Variants in RIN3 observed in about 807,000 individuals in gnomAD.
RIN3 encodes Ras and Rab interactor 3, also known as RAB5 interacting protein 3.
RIN3 carries 54 observed loss-of-function variants against 76.3 expected under a neutral mutation model. That is an observed-to-expected ratio of 0.71 (90% CI 0.57 to 0.89). The LOEUF is 0.89. Among genes scored for constraint, RIN3 ranks in the 40% least tolerant of loss-of-function variants. The pLI is 0.00. For synonymous variants in RIN3, 576 were observed against 564.0 expected (o/e 1.02, Z -0.30); for missense variants, 1,256 against 1,322.1 (o/e 0.95, Z 0.78).
chr14:92,672,462 C>A (rs1441174067), intron 7 of RIN3, among the ~76,000 whole-genome samples: 1 of 152,166 alleles, frequency 6.6e-6, no homozygotes, highest in Non-Finnish European at 1.5e-5. Context: ...GGAAGGAAAG[C>A]AACCACTAGT....
intron 2 of RIN3, among the ~76,000 whole-genome samples, chr14:92,558,336 G>A (rs1897660321): frequency 6.6e-6 from 1 of 152,152 alleles, no homozygotes; most frequent in Non-Finnish European, 1.5e-5. Context: ...GTGATGGAGT[G>A]AGACTCTGTC....
chr14:92,515,197 G>C (rs749329364), intron 1 of RIN3: 1 of 687,216 alleles, frequency 1.5e-6, no homozygotes, highest in African/African-American at 1.8e-5. Flanking sequence ...TCTTTCTCTC[G>C]AAAGCGACCT....
In RIN3 at chr14:92,532,108, T is replaced by C. The variant is rs562567294; in HGVS notation, c.44+18132T>C. ...CATGCCAGGCTCATTTTTGTATTTT[T>C]AGTAGAGATGAGGTTTCACCATGTT... On this transcript the variant is annotated intron_variant, in intron 1 of 9. Transcript: ENST00000216487. Among the ~76,000 whole-genome samples the C allele has an allele frequency of 9.3e-4, 142 of 152,198 alleles. 1 individual carries two copies. Among genetic ancestry groups the C allele is most frequent in the African/African-American group, 3.3e-3 (135 of 41,510 alleles).
chr14:92,579,617 A>G (rs762324983), intron 3 of RIN3, among the ~76,000 whole-genome samples: 1 of 152,256 alleles, frequency 6.6e-6, no homozygotes, highest in African/African-American at 2.4e-5. Context: ...TTGTAAATGG[A>G]AGCCTTTCAC....
At chr14:92,528,453 C>T (rs7146025) in intron 1 of RIN3, among the ~76,000 whole-genome samples, 10,926 of 152,194 alleles carry the variant, frequency 0.072, 1,320 homozygotes, top group African/African-American at 0.25. Flanking sequence ...CATGAGTGGA[C>T]GTATGTAAGG....
At chr14:92,636,816 G>A (rs1886793324) in intron 4 of RIN3, among the ~76,000 whole-genome samples, 1 of 152,206 alleles carries the variant, frequency 6.6e-6, no homozygotes, top group Admixed American at 6.5e-5. Context: ...TTGGGAGAAG[G>A]AGGCAGGAGG....
At chr14:92,526,077 G>A (rs1052400306) in intron 1 of RIN3, among the ~76,000 whole-genome samples, 4 of 152,298 alleles carry the variant, frequency 2.6e-5, no homozygotes, top group East Asian at 1.9e-4. Flanking sequence ...GGACGGACAG[G>A]AGAGGTGACC....
At chr14:92,636,503 G>C (rs1886782202) in intron 4 of RIN3, among the ~76,000 whole-genome samples, 1 of 152,160 alleles carries the variant, frequency 6.6e-6, no homozygotes, top group African/African-American at 2.4e-5. Flanking sequence ...AGAACTGCTT[G>C]GACCTGGGAG....
At chr14:92,534,110 T>C (rs1016887132) in intron 1 of RIN3, among the ~76,000 whole-genome samples, 12 of 152,072 alleles carry the variant, frequency 7.9e-5, no homozygotes, top group Non-Finnish European at 1.2e-4. Flanking sequence ...TGGCCATCCA[T>C]AGAGATAGCC....
chr14:92,527,839 T>C (rs1227009924), intron 1 of RIN3, among the ~76,000 whole-genome samples: 1 of 152,182 alleles, frequency 6.6e-6, no homozygotes, highest in Non-Finnish European at 1.5e-5. Context: ...TCCATTCCTC[T>C]TTGTCGCTGA....
intron 3 of RIN3, among the ~76,000 whole-genome samples, chr14:92,588,913 G>A (rs1884881861): frequency 6.6e-6 from 1 of 152,194 alleles, no homozygotes; most frequent in Non-Finnish European, 1.5e-5. Context: ...GTGTTATCAC[G>A]GAATGTCAGT....
chr14:92,660,006 C>T lies in RIN3; in HGVS notation c.2335+537C>T, dbSNP rs112668484. Among the ~76,000 whole-genome samples the T allele has an allele frequency of 6.9e-3, 1,055 of 152,268 alleles. 13 individuals carry two copies. The highest frequency in any genetic ancestry group is 0.024 in the African/African-American group (1,002 of 41,544). On this transcript the variant is annotated intron_variant, in intron 7 of 9. Coordinates refer to ENST00000216487, the MANE Select transcript of RIN3 (RefSeq NM_024832.5). ...TCCCAATTTCCTCTTTTTGTAAGAA[C>T]GCCAGTCAGACTGGATTAGGGGCCC...
chr14:92,595,126 T>C (rs1188049599), intron 3 of RIN3, among the ~76,000 whole-genome samples: 2 of 152,242 alleles, frequency 1.3e-5, no homozygotes, highest in African/African-American at 4.8e-5. Flanking sequence ...GCGGTGTCTG[T>C]GTCCTCAAGG....
intron 3 of RIN3, among the ~76,000 whole-genome samples, chr14:92,603,746 C>T (rs1885427192): frequency 6.6e-6 from 1 of 152,134 alleles, no homozygotes; most frequent in Non-Finnish European, 1.5e-5. Flanking sequence ...CTGCTGGTAC[C>T]AGCAGTGCTG....
intron 7 of RIN3, among the ~76,000 whole-genome samples, chr14:92,671,842 C>T (rs946044543): frequency 3.8e-4 from 58 of 152,264 alleles, no homozygotes; most frequent in Admixed American, 7.8e-4. Context: ...TGTTGCTGGC[C>T]CATTTTGCAG....
Position 92,686,000 on chromosome 14 carries a change from C to T in RIN3, c.2631+850C>T, listed in dbSNP as rs1888843955. On this transcript the variant is annotated intron_variant, in intron 9 of 9. Transcript: ENST00000216487. This position sits in a 1 kb window ranked among gnomAD's most constrained non-coding sequence, Gnocchi z 4.7. ...CTGGGAGGGCACAGCCCATGGTTCA[C>T]ATGCCTCAGGGGCGCCAAGCCCAGG... The T allele has an allele frequency of 6.6e-6, 1 of 152,502 alleles. No homozygotes were observed. Among genetic ancestry groups the T allele is most frequent in the Non-Finnish European group, 1.5e-5 (1 of 68,268 alleles). 9.4% of individuals were successfully genotyped at this position (152,502 alleles called of 1,614,324 possible).
rs764743553 is a variant in RIN3, at chr14:92,581,263, C to T, written c.367+3786C>T. Among the ~76,000 whole-genome samples, 6 of 152,140 alleles carry T rather than the reference C, an allele frequency of 3.9e-5. No individual in the cohort carries two copies. The East Asian group carries it at 1.2e-3, about 29-fold the overall frequency. On this transcript the variant is annotated intron_variant, in intron 3 of 9. Coordinates refer to ENST00000216487, the MANE Select transcript of RIN3 (RefSeq NM_024832.5). ...TCCTGGGAGATAGAGAGGACCATCACCTATCTATTAGTAGATAATAGAGAC... is the reference window on the plus strand; with the variant it reads ...TCCTGGGAGATAGAGAGGACCATCATCTATCTATTAGTAGATAATAGAGAC...
intron 2 of RIN3, among the ~76,000 whole-genome samples, chr14:92,563,251 C>G (rs899252926): frequency 6.6e-6 from 1 of 152,124 alleles, no homozygotes; most frequent in Admixed American, 6.5e-5. Context: ...ATCCCAGCTA[C>G]TTGGGAGGCT....
rs148870263 is a variant in RIN3, at chr14:92,577,516, G to GGCA, written c.367+53_367+55dup. The GGCA allele has an allele frequency of 2.0e-4, 258 of 1,310,960 alleles. 2 individuals carry two copies. In the African/African-American group the frequency reaches 3.3e-3, roughly 17 times the overall value. The allele number at this position is 1,310,960 out of a possible 1,614,324, so 81.2% of individuals were successfully genotyped here. A position where few individuals can be genotyped will look rare whatever the true frequency, so the allele number is the denominator to read the frequency against. On this transcript the variant is annotated intron_variant, in intron 3 of 9. Coordinates refer to ENST00000216487, the MANE Select transcript of RIN3 (RefSeq NM_024832.5). ...TTCTCTGTTTTCACTTTGACCACGC[G>GGCA]GCAGCAGCAGCAGCAGAGAGGCTGC...
Sources: allele counts gnomAD v4.1 joint callset (sites outside exome capture counted in the v4.1 genomes callset), GRCh38; gene constraint gnomAD v4.1.1; non-coding constraint Gnocchi (gnomAD v3.1); transcripts MANE v1.5; gene names NCBI Gene and HGNC (gene_info 2026-07-23, HGNC 2026-07-21).